The following TRIM49C variants were observed in gnomAD, a reference collection of about 807,000 sequenced individuals.
The protein encoded by TRIM49C is tripartite motif-containing protein 49C.
A neutral mutation model predicts 21.4 loss-of-function variants in TRIM49C; 6 were observed. That is an observed-to-expected ratio of 0.28 (90% CI 0.15 to 0.55). The LOEUF (loss-of-function observed/expected upper bound fraction) is 0.55. Among genes scored for constraint, TRIM49C ranks in the 20% least tolerant of loss-of-function variants. The pLI, the probability that TRIM49C is intolerant of heterozygous loss-of-function variation, is 0.94. For missense variants in TRIM49C, 161 were observed against 442.4 expected, an observed-to-expected ratio of 0.36 and a Z score of 5.71; for synonymous variants, 57 against 148.1, an observed-to-expected ratio of 0.38 and a Z score of 4.47.
chr11:90,043,443 A>C (rs997630140), downstream of TRIM49C, among the ~76,000 whole-genome samples: 2 of 123,678 alleles, frequency 1.6e-5, no homozygotes, highest in African/African-American at 6.4e-5. Context: ...ACAAACTATA[A>C]TTACTTGATA....
At chr11:90,053,652 T>C in the TRIM49C span, 1 of 151,790 alleles carries the variant, frequency 6.6e-6, no homozygotes, top group Non-Finnish European at 1.5e-5. Context: ...CCTCGACCTG[T>C]GCGCCTAGGA....
downstream of TRIM49C, among the ~76,000 whole-genome samples, chr11:90,043,227 C>A (rs2134826694): frequency 6.9e-6 from 1 of 145,168 alleles, no homozygotes; most frequent in Non-Finnish European, 1.5e-5. Context: ...GAGTTCCAGA[C>A]CAGTGGAGGC....
chr11:90,068,042 C>A, the TRIM49C span, among the ~76,000 whole-genome samples: 1 of 101,848 alleles, frequency 9.8e-6, no homozygotes, highest in Middle Eastern at 4.1e-3. Flanking sequence ...ACTATATTCT[C>A]CGATTTTCTA....
At chr11:90,046,710 A>G (rs1270994023), downstream of TRIM49C, among the ~76,000 whole-genome samples, 1 of 124,650 alleles carries the variant, frequency 8.0e-6, no homozygotes, top group Non-Finnish European at 1.6e-5. Context: ...GATCTTTTCA[A>G]AAAACCAGCT....
the TRIM49C span, chr11:90,053,663 G>A: frequency 2.6e-5 from 4 of 151,462 alleles, no homozygotes; most frequent in African/African-American, 9.8e-5. Flanking sequence ...GCGCCTAGGA[G>A]TGGGGATGGC....
chr11:90,066,653 C>T, the TRIM49C span, among the ~76,000 whole-genome samples: 3 of 114,716 alleles, frequency 2.6e-5, 1 homozygote, highest in Admixed American at 2.3e-4. Flanking sequence ...TATTCATCCA[C>T]CTTTTTGAAT....
At chr11:90,043,145 C>G (rs1355004898), downstream of TRIM49C, among the ~76,000 whole-genome samples, 4 of 143,044 alleles carry the variant, frequency 2.8e-5, no homozygotes, top group African/African-American at 1.0e-4. Context: ...AAATAGGAGC[C>G]CAGGCATGGT....
At chr11:90,043,152 T>C (rs866685759), downstream of TRIM49C, among the ~76,000 whole-genome samples, 15 of 143,736 alleles carry the variant, frequency 1.0e-4, no homozygotes, top group Admixed American at 2.9e-4. Flanking sequence ...AGCCCAGGCA[T>C]GGTGGCACAC....
the TRIM49C span, among the ~76,000 whole-genome samples, chr11:90,067,517 C>T: frequency 6.8e-6 from 1 of 146,874 alleles, no homozygotes; most frequent in Non-Finnish European, 1.5e-5. Flanking sequence ...TGAATGTTCA[C>T]AAAGAGATTC....
chr11:90,041,374 T>C lies in TRIM49C; in HGVS notation c.1183T>C (p.Ser395Pro), dbSNP rs2134824746. 1 of 1,588,390 alleles carries C rather than the reference T, an allele frequency of 6.3e-7. No homozygotes were observed. The highest frequency in any genetic ancestry group is 2.3e-5 in the East Asian group (1 of 44,074). The change falls in exon 8 of 8, where the codon TCC becomes CCC. Residue 395 changes from serine to proline, a missense_variant. Physicochemically the swap from Ser to Pro is moderately conservative, Grantham distance 74. Coordinates refer to ENST00000448984, the MANE Select transcript of TRIM49C (RefSeq NM_001195234.1). ...NDIQCSLFTT[S>P]PLMLQYIPKP... is the part of the protein sequence containing the mutation. ...CATTCAATGCAGTCTCTTTACCACC[T>C]CCCCACTTATGCTGCAATATATCCC...
At chr11:90,056,190 G>A in the TRIM49C span, among the ~76,000 whole-genome samples, 1 of 137,184 alleles carries the variant, frequency 7.3e-6, no homozygotes, top group African/African-American at 2.6e-5. Context: ...TCGATCTCCT[G>A]ACCTTGTGAT....
intron 1 of TRIM49C, among the ~76,000 whole-genome samples, chr11:90,031,656 A>C (rs1197119918): frequency 8.6e-5 from 13 of 151,932 alleles, no homozygotes; most frequent in South Asian, 4.2e-4. Flanking sequence ...ACGTTAAAAT[A>C]ATAACTCATC....
chr11:90,039,284 G>T (rs1361208686), intron 6 of TRIM49C, among the ~76,000 whole-genome samples: 1 of 129,234 alleles, frequency 7.7e-6, no homozygotes, highest in Non-Finnish European at 1.6e-5. Flanking sequence ...TTTGTGAATG[G>T]TGAGAAAGTC....
chr11:90,053,308 C>G, the TRIM49C span: 1 of 145,114 alleles, frequency 6.9e-6, no homozygotes, highest in Non-Finnish European at 1.5e-5. Flanking sequence ...ATTAGGGCTG[C>G]GTTCCCCTCC....
intron 1 of TRIM49C, among the ~76,000 whole-genome samples, chr11:90,031,576 G>A (rs1488003858): frequency 6.7e-6 from 1 of 149,976 alleles, no homozygotes; most frequent in Non-Finnish European, 1.5e-5. Flanking sequence ...AAAGTTATGT[G>A]TAATCCCCAA....
the TRIM49C span, among the ~76,000 whole-genome samples, chr11:90,065,831 T>C: frequency 3.7e-5 from 5 of 136,500 alleles, 1 homozygote; most frequent in Admixed American, 3.4e-4. Context: ...CGGCAGGCAC[T>C]TGTAATCCTA....
the TRIM49C span, chr11:90,053,482 C>G: frequency 6.4e-6 from 1 of 156,092 alleles, no homozygotes; most frequent in South Asian, 1.7e-4. Context: ...TCCGCCTCTG[C>G]CCCGCGCCTC....
intron 1 of TRIM49C, among the ~76,000 whole-genome samples, 197 bp downstream of exon 1, chr11:90,031,441 C>T (rs1007400820): frequency 7.3e-6 from 1 of 137,348 alleles, no homozygotes; most frequent in African/African-American, 2.6e-5. Flanking sequence ...TGAGTAGTCC[C>T]TTCTGAAATC....
the TRIM49C span, chr11:90,071,563 C>A: frequency 6.1e-6 from 3 of 488,458 alleles, no homozygotes; most frequent in Non-Finnish European, 1.1e-5. Context: ...TCCCTAAGGG[C>A]CACAAACCCA....
Sources: gnomAD v4.1 joint callset for allele counts (sites outside exome capture counted in the v4.1 genomes callset) on GRCh38, gnomAD v4.1.1 for gene constraint, MANE v1.5 for transcripts, NCBI Gene and HGNC (gene_info 2026-07-23, HGNC 2026-07-21) for gene names.